ST8SIA3: variants seen among roughly 807,000 people sequenced by gnomAD.
ST8SIA3 encodes ST8 alpha-N-acetyl-neuraminide alpha-2,8-sialyltransferase 3.
A neutral mutation model predicts 34.5 loss-of-function variants in ST8SIA3; 17 were observed. The observed-to-expected ratio is 0.49, with a 90% CI of 0.34 to 0.74. The LOEUF (loss-of-function observed/expected upper bound fraction) is 0.74, where lower values mean the gene tolerates loss of function less well. Among genes scored for constraint, ST8SIA3 ranks in the 30% least tolerant of loss-of-function variants. The probability of loss-of-function intolerance (pLI) is 0.01; values close to 1 mark genes in which losing one functional copy is unlikely to be tolerated. For synonymous variants in ST8SIA3, 172 were observed against 176.1 expected, an observed-to-expected ratio of 0.98 and a Z score of 0.19; for missense variants, 354 against 467.8, an observed-to-expected ratio of 0.76 and a Z score of 2.24.
chr18:57,357,456 G>A lies in ST8SIA3; in HGVS notation c.846G>A (p.Met282Ile), dbSNP rs765271315. The A allele has an allele frequency of 6.2e-7, 1 of 1,611,146 alleles. No homozygotes were observed. The highest frequency in any genetic ancestry group is 8.5e-7 in the Non-Finnish European group (1 of 1,179,192). ...AACTGGCTTGGCCGGGAAATATAATGCAACATGTCAACAGGTGTGTATATT... is the reference window on the plus strand; with the variant it reads ...AACTGGCTTGGCCGGGAAATATAATACAACATGTCAACAGGTGTGTATATT... Reference protein sequence around the residue: ...KVQLAWPGNIMQHVNRYWKNK... With the variant: ...KVQLAWPGNIIQHVNRYWKNK... The change falls in exon 3 of 4, where the codon ATG (methionine) becomes ATA (isoleucine). Residue 282 changes from methionine to isoleucine, a missense_variant. By Grantham distance (10) the Met-to-Ile change is conservative. Around this residue, in one of 3 missense-constraint regions of ST8SIA3, gnomAD observed 166 missense variants for 245.2 expected, o/e 0.68. Coordinates refer to ENST00000324000, the MANE Select transcript of ST8SIA3 (RefSeq NM_015879.3).
chr18:57,354,856 T>A (rs1309733772), intron 2 of ST8SIA3, among the ~76,000 whole-genome samples: 1 of 139,176 alleles, frequency 7.2e-6, no homozygotes, highest in Non-Finnish European at 1.5e-5. Flanking sequence ...AGCCATCTAT[T>A]TAAAAAAAAA....
rs1254999527 is a variant in ST8SIA3, at chr18:57,352,901, A to G, written c.55A>G (p.Ser19Gly). ...CAGTGTGCTGGGGCTGGTCATGCTCAGCGTCGCCCTGCTGATTTTATCGCT... is the reference window on the plus strand; with the variant it reads ...CAGTGTGCTGGGGCTGGTCATGCTCGGCGTCGCCCTGCTGATTTTATCGCT... ...VASVLGLVML[S>G]VALLILSLIS... Residue 19 changes from serine (S) to glycine (G), a missense_variant, in exon 1 of 4, where the codon AGC becomes GGC. This residue lies in a region of ST8SIA3 where 184 missense variants were observed against 205.4 expected (regional missense o/e 0.90). Coordinates refer to ENST00000324000, the MANE Select transcript of ST8SIA3 (RefSeq NM_015879.3). 6.2e-7 allele frequency: 1 copy of G among 1,613,602 alleles called. No homozygotes were observed. Among genetic ancestry groups the G allele is most frequent in the Non-Finnish European group, 8.5e-7 (1 of 1,179,976 alleles).
intron 1 of ST8SIA3, 77 bp downstream of exon 1, chr18:57,353,102 G>A: frequency 1.3e-6 from 2 of 1,499,236 alleles, no homozygotes; most frequent in Admixed American, 1.7e-5. Flanking sequence ...GCGTGGGGGA[G>A]GGGTGTTTTG....
At chr18:57,357,584 T>C (rs1182158602) in intron 3 of ST8SIA3, 114 bp downstream of exon 3, 20 of 816,660 alleles carry the variant, frequency 2.4e-5, no homozygotes, top group Non-Finnish European at 3.5e-5. Context: ...AGTTTAGTAG[T>C]AATTAGAAGA....
chr18:57,353,087 G>T, intron 1 of ST8SIA3, 62 bp downstream of exon 1: 4 of 1,559,998 alleles, frequency 2.6e-6, no homozygotes, highest in Non-Finnish European at 2.6e-6. Flanking sequence ...TTTGGGGAAG[G>T]GAAGGCGTGG....
At chr18:57,353,052 C>A (rs776800472) in intron 1 of ST8SIA3, 27 bp downstream of exon 1, 4 of 1,595,722 alleles carry the variant, frequency 2.5e-6, no homozygotes, top group Non-Finnish European at 3.4e-6. Context: ...GTGTTAGTGC[C>A]CTCGGGAATT....
chr18:57,353,071 G>A (rs563004732), intron 1 of ST8SIA3, 46 bp downstream of exon 1: 2 of 1,586,272 alleles, frequency 1.3e-6, no homozygotes, highest in South Asian at 2.2e-5. Flanking sequence ...TTTGGTTGAT[G>A]GGGTGTTTGG....
rs181247934 is a variant in ST8SIA3 at position 57,357,931 on chromosome 18, G to A, written c.860+461G>A. Reference sequence around the variant, plus strand: ...TAGCAAAACACCTAAATCATAAATTGCACAATCTGCCTTTATAATCTGATA... The same window carrying A: ...TAGCAAAACACCTAAATCATAAATTACACAATCTGCCTTTATAATCTGATA... On this transcript the variant is annotated intron_variant, in intron 3 of 3. Coordinates refer to ENST00000324000, the MANE Select transcript of ST8SIA3 (RefSeq NM_015879.3). Among the ~76,000 whole-genome samples the A allele has an allele frequency of 3.3e-5, 5 of 151,994 alleles. No homozygotes were observed. In the East Asian group the frequency reaches 9.7e-4, roughly 30 times the overall value.
Position 57,360,338 on chromosome 18 carries a change from GC to G in ST8SIA3, c.*63del. 6.7e-7 allele frequency: 1 copy of G among 1,497,760 alleles called. No homozygotes were observed. Among genetic ancestry groups the G allele is most frequent in the Non-Finnish European group, 9.1e-7 (1 of 1,097,358 alleles). The allele number at this position is 1,497,760 out of a possible 1,614,324, so 92.8% of individuals were successfully genotyped here. A position where few individuals can be genotyped will look rare whatever the true frequency, so the allele number is the denominator to read the frequency against. On this transcript the variant is annotated 3_prime_UTR_variant, in exon 4 of 4. Coordinates refer to ENST00000324000, the MANE Select transcript of ST8SIA3 (RefSeq NM_015879.3). ...AAAGTGCCCCAAATCAAATTGAATA[GC>G]CTTCAGAATAGAACCCTAGAGAATG...
rs2049821017 is a variant in ST8SIA3 at position 57,360,000 on chromosome 18, G to A, written c.866G>A (p.Trp289Ter). The A allele has an allele frequency of 6.2e-7, 1 of 1,611,006 alleles. No individual in the cohort carries two copies. The highest frequency in any genetic ancestry group is 8.5e-7 in the Non-Finnish European group (1 of 1,177,424). Residue 289 changes from tryptophan (W) to a stop codon, truncating the protein, a stop_gained, in exon 4 of 4, where the codon TGG (tryptophan) becomes TAG (stop). Transcript: ENST00000324000. LOFTEE classifies it high-confidence loss of function. ...GNIMQHVNRY[W>*]KNKHLSPKRL... ...ATGTACTTATTGTTCCACAGGTACTGGAAAAACAAACATTTGTCACCTAAA... is the reference window on the plus strand; with the variant it reads ...ATGTACTTATTGTTCCACAGGTACTAGAAAAACAAACATTTGTCACCTAAA...
In ST8SIA3 at chr18:57,360,069, T is replaced by C. The variant is rs2049821677; in HGVS notation, c.935T>C (p.Ile312Thr). 2 of 1,614,024 alleles carry C rather than the reference T, an allele frequency of 1.2e-6. No homozygotes were observed. The highest frequency in any genetic ancestry group is 1.1e-5 in the South Asian group (1 of 91,096). The change falls in exon 4 of 4, where the codon ATA (isoleucine) becomes ACA (threonine). Residue 312 changes from isoleucine (I) to threonine (T), a missense_variant. This residue lies in a region of ST8SIA3 where 166 missense variants were observed against 245.2 expected (regional missense o/e 0.68). Coordinates refer to ENST00000324000, the MANE Select transcript of ST8SIA3 (RefSeq NM_015879.3). ...CTTATGTACACCCTTGCATCAGCAA[T>C]ATGTGAAGAGATCCACTTGTATGGA... is the stretch of plus-strand genomic sequence containing the variant. ...GILMYTLASA[I>T]CEEIHLYGFW...
rs1322535455 is a variant in ST8SIA3, at chr18:57,362,726, T to C, written c.*2449T>C. 1.3e-5 allele frequency: 2 copies of C among 152,220 alleles called. No homozygotes were observed. The highest frequency in any genetic ancestry group is 4.8e-5 in the African/African-American group (2 of 41,456). 9.4% of individuals were successfully genotyped at this position (152,220 alleles called of 1,614,324 possible). A position where few individuals can be genotyped will look rare whatever the true frequency, so the allele number is the denominator to read the frequency against. ...GTTTAGAGATCAGGCTCATCTCTGC[T>C]TATAAGGAGGACTTCCTGGAGATGA... On this transcript the variant is annotated 3_prime_UTR_variant, in exon 4 of 4. Coordinates refer to ENST00000324000, the MANE Select transcript of ST8SIA3 (RefSeq NM_015879.3).
chr18:57,354,294 C>G, intron 1 of ST8SIA3, 108 bp from the exon 2 acceptor site: 1 of 1,423,546 alleles, frequency 7.0e-7, no homozygotes. Context: ...CGGAACGGAG[C>G]CCGCACGCGT....
In ST8SIA3 at chr18:57,362,243, T is replaced by A. The variant is rs1369728421; in HGVS notation, c.*1966T>A. On this transcript the variant is annotated 3_prime_UTR_variant, in exon 4 of 4. Coordinates refer to ENST00000324000, the MANE Select transcript of ST8SIA3 (RefSeq NM_015879.3). ...CTGTACTACCATCCTCACACTGTGC[T>A]CTGTTGGGATCACTGAGAGATTGAC... is the stretch of plus-strand genomic sequence containing the variant. The A allele has an allele frequency of 2.0e-5, 3 of 152,230 alleles. No homozygotes were observed. Among genetic ancestry groups the A allele is most frequent in the Non-Finnish European group, 4.4e-5 (3 of 68,034 alleles). 9.4% of individuals were successfully genotyped at this position (152,230 alleles called of 1,614,324 possible). A position where few individuals can be genotyped will look rare whatever the true frequency, so the allele number is the denominator to read the frequency against.
At position 57,361,668 on chromosome 18, in the gene ST8SIA3, C is replaced by T. The variant is rs1011663986; in HGVS notation, c.*1391C>T. The T allele has an allele frequency of 6.6e-6, 1 of 152,642 alleles. No individual in the cohort carries two copies. Among genetic ancestry groups the T allele is most frequent in the Non-Finnish European group, 1.5e-5 (1 of 68,038 alleles). 9.5% of individuals were successfully genotyped at this position (152,642 alleles called of 1,614,324 possible). A position where few individuals can be genotyped will look rare whatever the true frequency, so the allele number is the denominator to read the frequency against. The stretch of plus-strand genomic sequence containing the variant: ...TGAGTAGAAATCAAATCATTCCCAT[C>T]CCTGGCTTTTTACTGAGCAGCACTT... On this transcript the variant is annotated 3_prime_UTR_variant, in exon 4 of 4. Coordinates refer to ENST00000324000, the MANE Select transcript of ST8SIA3 (RefSeq NM_015879.3).
At position 57,361,264 on chromosome 18, in the gene ST8SIA3, G is replaced by C. The variant is rs1161653791; in HGVS notation, c.*987G>C. On this transcript the variant is annotated 3_prime_UTR_variant, in exon 4 of 4. Coordinates refer to ENST00000324000, the MANE Select transcript of ST8SIA3 (RefSeq NM_015879.3). ...AGCTTAAGACCCTGGGACACACAAA[G>C]GAAAAGGAAGAAGAATATTTAGAAG... 6.6e-6 allele frequency: 1 copy of C among 152,218 alleles called. No individual in the cohort carries two copies. The highest frequency in any genetic ancestry group is 2.4e-5 in the African/African-American group (1 of 41,448). The allele number at this position is 152,218 out of a possible 1,614,324, so 9.4% of individuals were successfully genotyped here.
At chr18:57,358,036 A>G (rs2049809066) in intron 3 of ST8SIA3, among the ~76,000 whole-genome samples, 1 of 152,204 alleles carries the variant, frequency 6.6e-6, no homozygotes, top group Non-Finnish European at 1.5e-5. Context: ...TTAGCCAGAG[A>G]TGCAATATTT....
In ST8SIA3 at chr18:57,357,305, T is replaced by C; in HGVS notation, c.695T>C (p.Phe232Ser). 6.2e-7 allele frequency: 1 copy of C among 1,614,082 alleles called. No homozygotes were observed. Among genetic ancestry groups the C allele is most frequent in the Non-Finnish European group, 8.5e-7 (1 of 1,179,998 alleles). Residue 232 changes from phenylalanine to serine, a missense_variant, in exon 3 of 4, where the codon TTC (phenylalanine) becomes TCC (serine). Phe to Ser is a radical substitution (Grantham distance 155). Coordinates refer to ENST00000324000, the MANE Select transcript of ST8SIA3 (RefSeq NM_015879.3). ...ACTATTCAGGACCGTAACAACTTTT[T>C]CCTCAGTTTAAAAAAGCTTGACGGG... ...LLTIQDRNNF[F>S]LSLKKLDGAI...
chr18:57,355,907 A>G (rs956861005), intron 2 of ST8SIA3, among the ~76,000 whole-genome samples: 1 of 152,230 alleles, frequency 6.6e-6, no homozygotes, highest in Non-Finnish European at 1.5e-5. Context: ...CAAAGATTTC[A>G]GTTGCTGTTG....
Sources: gnomAD v4.1 joint callset for allele counts (sites outside exome capture counted in the v4.1 genomes callset) on GRCh38, gnomAD v4.1.1 for gene constraint, gnomAD v4.1.1 regional missense constraint, MANE v1.5 for transcripts, NCBI Gene and HGNC (gene_info 2026-07-23, HGNC 2026-07-21) for gene names.